Variants in POLRMT observed in about 807,000 individuals in gnomAD.
POLRMT encodes the protein RNA polymerase mitochondrial, also known as DNA-directed RNA polymerase, mitochondrial.
A neutral mutation model predicts 132.2 loss-of-function variants in POLRMT; 114 were observed. The observed-to-expected ratio is 0.86, with a 90% CI of 0.74 to 1.01. POLRMT has a LOEUF of 1.01. POLRMT is among the 50% of genes least tolerant of loss of function. The pLI, the probability that POLRMT is intolerant of heterozygous loss-of-function variation, is 0.00. For synonymous variants in POLRMT, 1,020 were observed against 773.4 expected, an observed-to-expected ratio of 1.32 and a Z score of -5.29; for missense variants, 2,003 against 1,729.1, an observed-to-expected ratio of 1.16 and a Z score of -2.81.
chr19:633,234 CA>C, intron 1 of POLRMT, 190 bp downstream of exon 1: 1 of 719,464 alleles, frequency 1.4e-6, no homozygotes, highest in Non-Finnish European at 2.1e-6. Context: ...AACCACGAGT[CA>C]AAGGTCAGAC....
At chr19:630,616 C>T (rs1310239635) in intron 2 of POLRMT, among the ~76,000 whole-genome samples, 1 of 152,136 alleles carries the variant, frequency 6.6e-6, no homozygotes, top group Non-Finnish European at 1.5e-5. Flanking sequence ...CACAGACTCC[C>T]AGGACCCTGA....
At chr19:619,317 G>A (rs1456640514) in intron 13 of POLRMT, 21 bp from the exon 14 acceptor site, 4 of 1,606,186 alleles carry the variant, frequency 2.5e-6, no homozygotes, top group South Asian at 2.2e-5. Context: ...CGGGCAGCAG[G>A]TGCAGGTCCT....
rs151076496 is a variant in POLRMT, at chr19:623,650, C to T, written c.1141-47G>A. On this transcript the variant is annotated intron_variant, in intron 5 of 20. Coordinates refer to ENST00000588649, the MANE Select transcript of POLRMT (RefSeq NM_005035.4). Reference sequence around the variant, plus strand: ...GGTTGGGGGCTTGCCAGAGGGCGACCTGCCCTCCCAGGACCCCGAGACAGC... The same window carrying T: ...GGTTGGGGGCTTGCCAGAGGGCGACTTGCCCTCCCAGGACCCCGAGACAGC... 9.8e-5 allele frequency: 156 copies of T among 1,598,642 alleles called. No individual in the cohort carries two copies. In the African/African-American group the frequency reaches 1.8e-3, roughly 19 times the overall value.
At position 621,791 on chromosome 19, in the gene POLRMT, T is replaced by C. The variant is rs1239090225; in HGVS notation, c.1907A>G (p.Glu636Gly). The change falls in exon 10 of 21, where the codon GAG (glutamate) becomes GGG (glycine). Residue 636 changes from glutamate to glycine, a missense_variant. By Grantham distance (98) the Glu-to-Gly change is moderately conservative. Coordinates refer to ENST00000588649, the MANE Select transcript of POLRMT (RefSeq NM_005035.4). ...CACCGCCTCGAAGGTCAGCGTGGGC[T>C]CCGCGGCCTTCTCCAGCAGCTGCAC... is the stretch of plus-strand genomic sequence containing the variant. The part of the protein sequence containing the change: ...AYVQLLEKAA[E>G]PTLTFEAVDV... 6.2e-7 allele frequency: 1 copy of C among 1,602,160 alleles called. No individual in the cohort carries two copies. The highest frequency in any genetic ancestry group is 8.5e-7 in the Non-Finnish European group (1 of 1,179,834).
At chr19:623,641 G>T in intron 5 of POLRMT, 38 bp from the exon 6 acceptor site, 1 of 1,604,086 alleles carries the variant, frequency 6.2e-7, no homozygotes, top group Non-Finnish European at 8.5e-7. Flanking sequence ...GGGCTTGCCA[G>T]AGGGCGACCT....
rs747940129 is a variant in POLRMT at position 622,749 on chromosome 19, G to A, written c.1459C>T (p.Leu487=). ...TCACCTTGGGCGGGCAGCGCCTGCA[G>A]GACCTGCGGAAGGCAGCCGTGAGTG... ...REVVRMLLQV[L]QALPAQGESF... is the part of the protein sequence containing the mutation. Residue 487 remains leucine, a synonymous_variant, in exon 8 of 21, where the codon CTG becomes TTG. Coordinates refer to ENST00000588649, the MANE Select transcript of POLRMT (RefSeq NM_005035.4). The A allele has an allele frequency of 9.5e-5, 151 of 1,587,488 alleles. No individual in the cohort carries two copies. Among genetic ancestry groups the A allele is most frequent in the Middle Eastern group, 3.9e-4 (2 of 5,076 alleles).
rs575759646 is a variant in POLRMT at position 617,746 on chromosome 19, G to A, written c.3495+31C>T. 44 of 1,612,504 alleles carry A rather than the reference G, an allele frequency of 2.7e-5. No individual in the cohort carries two copies. In the Middle Eastern group the frequency reaches 2.6e-3, roughly 97 times the overall value. On this transcript the variant is annotated intron_variant, in intron 18 of 20. Coordinates refer to ENST00000588649, the MANE Select transcript of POLRMT (RefSeq NM_005035.4). ...GCCCCAGTGTGGGGGCCCCACCCAT[G>A]GGTGGACTGAGGCTCAGACTACGGG...
At position 621,264 on chromosome 19, in the gene POLRMT, G is replaced by A; in HGVS notation, c.2434C>T (p.His812Tyr). The change falls in exon 10 of 21, where the codon CAC (histidine) becomes TAC (tyrosine). Residue 812 changes from histidine to tyrosine, a missense_variant. Transcript: ENST00000588649. The stretch of plus-strand genomic sequence containing the variant: ...ACGTCGCTGCCCAGGTGGTTGAAGT[G>A]CGGCGGGCAGGGGTAGGTGCGGCCG... ...FRGRTYPCPP[H>Y]FNHLGSDVAR... The A allele has an allele frequency of 1.9e-6, 3 of 1,607,860 alleles. No homozygotes were observed. The highest frequency in any genetic ancestry group is 2.5e-6 in the Non-Finnish European group (3 of 1,177,968).
intron 1 of POLRMT, 110 bp from the exon 2 acceptor site, chr19:633,048 ACT>A (rs1276925801): frequency 2.1e-5 from 16 of 757,654 alleles, no homozygotes; most frequent in Non-Finnish European, 2.8e-5. Flanking sequence ...CGCAGCGGAA[ACT>A]CTCGGAGCAC....
chr19:619,355 C>T (rs1451068621), intron 13 of POLRMT, 59 bp from the exon 14 acceptor site: 8 of 1,551,448 alleles, frequency 5.2e-6, no homozygotes, highest in South Asian at 2.2e-5. Flanking sequence ...ACGCCCTACT[C>T]CCCCCTATTT....
intron 10 of POLRMT, among the ~76,000 whole-genome samples, chr19:620,711 G>A (rs1019063540): frequency 2.7e-5 from 4 of 146,242 alleles, no homozygotes; most frequent in South Asian, 4.5e-4. Context: ...AAGCGTGTCC[G>A]GAGCTGCCGG....
intron 3 of POLRMT, 129 bp downstream of exon 3, chr19:629,411 A>G (rs897598871): frequency 1.9e-6 from 2 of 1,039,316 alleles, no homozygotes; most frequent in Admixed American, 5.7e-5. Context: ...GAAAAGCCTA[A>G]AAGAATTATT....
chr19:624,768 A>C lies in POLRMT; in HGVS notation c.1091T>G (p.Leu364Arg). ...VKPTFSLPPQ[L>R]PPPVNTSKLL... Reference sequence around the variant, plus strand: ...CTTGGAGGTGTTGACCGGGGGCGGCAGCTGCGGCGGGAGGCTGAAGGTGGG... The same window carrying C: ...CTTGGAGGTGTTGACCGGGGGCGGCCGCTGCGGCGGGAGGCTGAAGGTGGG... Residue 364 changes from leucine (L) to arginine (R), a missense_variant, in exon 5 of 21, where the codon CTG (leucine) becomes CGG (arginine). Physicochemically the swap from Leu to Arg is moderately radical, Grantham distance 102 (BLOSUM62 -2). Transcript: ENST00000588649. The C allele has an allele frequency of 3.1e-6, 5 of 1,613,902 alleles. No homozygotes were observed. The highest frequency in any genetic ancestry group is 1.1e-5 in the South Asian group (1 of 91,078).
chr19:618,572 C>A lies in POLRMT; in HGVS notation c.3338G>T (p.Arg1113Leu). Residue 1113 changes from arginine to leucine, a missense_variant, in exon 17 of 21, where the codon CGT (arginine) becomes CTT (leucine). By Grantham distance (102) the Arg-to-Leu change is moderately radical (BLOSUM62 -2). Transcript: ENST00000588649. ...GGGCGGGAAGCCGTTCTTCTGCTTA[C>A]GTGTGTTGGGCTTTCTGAGGACGGA... ...NGDISRKPNT[R>L]KQKNGFPPNF... 1 of 1,613,000 alleles carries A rather than the reference C, an allele frequency of 6.2e-7. No individual in the cohort carries two copies. Among genetic ancestry groups the A allele is most frequent in the Non-Finnish European group, 8.5e-7 (1 of 1,179,256 alleles).
At chr19:622,531 C>CG in intron 8 of POLRMT, 51 bp downstream of exon 8, 2 of 1,531,820 alleles carry the variant, frequency 1.3e-6, no homozygotes, top group Non-Finnish European at 1.8e-6. Context: ...GGAGGGAGAG[C>CG]GCCCACCCAC....
chr19:619,193 G>A lies in POLRMT; in HGVS notation c.3153+17C>T, dbSNP rs755379098. The A allele has an allele frequency of 8.1e-6, 13 of 1,611,116 alleles. No individual in the cohort carries two copies. The East Asian group carries it at 8.9e-5, about 11-fold the overall frequency. On this transcript the variant is annotated intron_variant, in intron 14 of 20. Transcript: ENST00000588649. ...GCTTAGGGAGTCCTGGCCGAGCGGG[G>A]ACAGGACAGGACGTACCTGGATGGC...
At chr19:624,572 C>A (rs893242084) in intron 5 of POLRMT, 147 bp downstream of exon 5, 5 of 945,528 alleles carry the variant, frequency 5.3e-6, no homozygotes, top group Non-Finnish European at 6.1e-6. Flanking sequence ...GTCCTCCCAT[C>A]TTCTCAGAGG....
In POLRMT at chr19:621,354, G is replaced by T. The variant is rs1382387836; in HGVS notation, c.2344C>A (p.Arg782Ser). ...CGCAGGTGCTGCGCCAGCGAGAGGC[G>T]GTACAGCGCCTCCGCCCGCAGGCTG... ...MHSLRAEALY[R>S]LSLAQHLRDR... Residue 782 changes from arginine (R) to serine (S), a missense_variant, in exon 10 of 21, where the codon CGC becomes AGC. Transcript: ENST00000588649. 6.3e-7 allele frequency: 1 copy of T among 1,578,108 alleles called. No homozygotes were observed. Among genetic ancestry groups the T allele is most frequent in the Non-Finnish European group, 8.5e-7 (1 of 1,170,304 alleles).
At chr19:618,665 C>CA (rs1233344937) in intron 16 of POLRMT, 40 bp downstream of exon 16, 1 of 1,604,086 alleles carries the variant, frequency 6.2e-7, no homozygotes, top group Non-Finnish European at 8.5e-7. Flanking sequence ...GGCTGCTCTC[C>CA]AGACCCCCGG....
Sources: allele counts gnomAD v4.1 joint callset (sites outside exome capture counted in the v4.1 genomes callset), GRCh38; gene constraint gnomAD v4.1.1; transcripts MANE v1.5; gene names NCBI Gene and HGNC (gene_info 2026-07-23, HGNC 2026-07-21).